The following PDXDC1 variants were observed in gnomAD, a reference collection of about 807,000 sequenced individuals.
PDXDC1 encodes the protein pyridoxal dependent decarboxylase domain containing 1, also known as pyridoxal-dependent decarboxylase domain-containing protein 1.
Under a neutral mutation model 100.1 loss-of-function variants are expected in PDXDC1, and 42 were observed. The ratio of observed to expected loss-of-function variants is 0.42; its 90% CI spans 0.33 to 0.54. The LOEUF (loss-of-function observed/expected upper bound fraction) is 0.54. Among genes scored for constraint, PDXDC1 ranks in the 20% least tolerant of loss-of-function variants. PDXDC1 has a pLI of 0.10. For missense variants in PDXDC1, 636 were observed against 979.2 expected (o/e 0.65, Z 4.68); for synonymous variants, 260 against 371.7 (o/e 0.70, Z 3.46).
At chr16:14,984,491 ATATAT>A (rs1810823253) in intron 1 of PDXDC1, among the ~76,000 whole-genome samples, 7 of 93,750 alleles carry the variant, frequency 7.5e-5, no homozygotes, top group Middle Eastern at 5.7e-3. Context: ...ATATATATAT[ATATAT>A]TTTTTTTTTT....
intron 16 of PDXDC1, among the ~76,000 whole-genome samples, chr16:15,087,793 A>T (rs2045966741): frequency 6.6e-6 from 1 of 152,224 alleles, no homozygotes; most frequent in Non-Finnish European, 1.5e-5. Flanking sequence ...CAAAACTATA[A>T]GGATAACATT....
intron 16 of PDXDC1, among the ~76,000 whole-genome samples, chr16:15,075,056 CCTGGCCAACATGGTAAAACT>C (rs1390152304): frequency 6.6e-6 from 1 of 151,966 alleles, no homozygotes; most frequent in East Asian, 1.9e-4. Flanking sequence ...TTGAGACCAG[CCTGGCCAACATGGTAAAACT>C]CTGTCTCTAC....
At chr16:15,007,822 G>C (rs2040913581) in intron 6 of PDXDC1, among the ~76,000 whole-genome samples, 2 of 152,298 alleles carry the variant, frequency 1.3e-5, no homozygotes, top group Non-Finnish European at 2.9e-5. Flanking sequence ...GGGGACAACA[G>C]TCTAACCTTC....
intron 16 of PDXDC1, chr16:15,127,729 G>C (rs1215992616): frequency 2.0e-6 from 3 of 1,523,012 alleles, no homozygotes; most frequent in Non-Finnish European, 2.7e-6. Flanking sequence ...CACGGCGTTG[G>C]CGCCCAGGAA....
intron 16 of PDXDC1, among the ~76,000 whole-genome samples, chr16:15,065,976 T>C (rs1452573396): frequency 6.6e-6 from 1 of 152,252 alleles, no homozygotes; most frequent in Non-Finnish European, 1.5e-5. Flanking sequence ...AAGACAATTA[T>C]GTTTTTAATT....
chr16:15,085,704 G>C (rs1382781749), intron 16 of PDXDC1: 1 of 1,612,720 alleles, frequency 6.2e-7, no homozygotes, highest in East Asian at 2.2e-5. Flanking sequence ...TCGGGCTTTT[G>C]AGGGAAAAAG....
intron 1 of PDXDC1, among the ~76,000 whole-genome samples, chr16:14,988,020 G>T (rs1969809053): frequency 1.4e-5 from 2 of 144,302 alleles, no homozygotes; most frequent in Non-Finnish European, 3.0e-5. Flanking sequence ...TTGCCATACA[G>T]GTTCATTTTA....
chr16:15,044,365 C>T, intron 16 of PDXDC1: 1 of 1,613,428 alleles, frequency 6.2e-7, no homozygotes, highest in Non-Finnish European at 8.5e-7. Context: ...TTTGTGACAA[C>T]TGCCTGTCGT....
chr16:15,130,292 C>T lies in PDXDC1; in HGVS notation c.1400-8587C>T, dbSNP rs781654269. 2,336 of 1,533,868 alleles carry T rather than the reference C, an allele frequency of 1.5e-3. 3 individuals carry two copies. The highest frequency in any genetic ancestry group is 1.9e-3 in the Non-Finnish European group (2,114 of 1,134,402). On this transcript the variant is annotated intron_variant, in intron 16 of 16. Coordinates refer to the PDXDC1 transcript ENST00000535621. ...GGGTGAGGCAGACGGCCTGGCGGGG[C>T]GAGGTCTCCTCCAGGGGCAGCAGCC...
intron 1 of PDXDC1, among the ~76,000 whole-genome samples, chr16:14,981,189 T>C (rs1376412646): frequency 2.0e-5 from 3 of 152,306 alleles, no homozygotes; most frequent in Admixed American, 1.3e-4. Context: ...TAATTGTAAA[T>C]ATAATGCAAA....
chr16:15,131,668 G>C (rs2048067641), intron 16 of PDXDC1: 69 of 1,575,184 alleles, frequency 4.4e-5, no homozygotes, highest in Non-Finnish European at 5.9e-5. Context: ...TGAGCGCTGT[G>C]GTGCCCGCAC....
chr16:15,038,505 C>T (rs2043649398), downstream of PDXDC1: 1 of 926,562 alleles, frequency 1.1e-6, no homozygotes, highest in Non-Finnish European at 1.7e-6. Context: ...GGTCTAAACC[C>T]TTTTTTTCTT....
chr16:15,131,131 G>T, intron 16 of PDXDC1: 1 of 1,604,020 alleles, frequency 6.2e-7, no homozygotes, highest in Non-Finnish European at 8.5e-7. Flanking sequence ...CACGGCCGCA[G>T]GGTTGCTGCT....
chr16:15,024,663 A>G (rs2042452850), intron 13 of PDXDC1, among the ~76,000 whole-genome samples: 1 of 152,274 alleles, frequency 6.6e-6, no homozygotes, highest in African/African-American at 2.4e-5. Context: ...CACCCGCCTC[A>G]GCCTCCCAAA....
At chr16:15,142,267 A>T (rs992534147), downstream of PDXDC1, among the ~76,000 whole-genome samples, 3 of 152,090 alleles carry the variant, frequency 2.0e-5, no homozygotes, top group African/African-American at 7.2e-5. Context: ...CCCACTGTGA[A>T]CCAGGCCTGG....
chr16:15,116,599 G>A (rs1410661908), intron 16 of PDXDC1, among the ~76,000 whole-genome samples: 2 of 101,412 alleles, frequency 2.0e-5, no homozygotes, highest in East Asian at 3.5e-4. Context: ...GAGTGAAGAC[G>A]AAGACTTCCC....
At position 15,133,501 on chromosome 16, in the gene PDXDC1, G is replaced by A. The variant is rs1434922577; in HGVS notation, c.1400-5378G>A. Reference sequence around the variant, plus strand: ...ACGGCCTGGCTCACCTGTTGAGGGCGACCACAGCGGCTCCCAGCTGGTCCT... The same window carrying A: ...ACGGCCTGGCTCACCTGTTGAGGGCAACCACAGCGGCTCCCAGCTGGTCCT... On this transcript the variant is annotated intron_variant, in intron 16 of 16. Coordinates refer to the PDXDC1 transcript ENST00000535621. 3.5e-5 allele frequency: 30 copies of A among 864,142 alleles called. 1 individual carries two copies. The highest frequency in any genetic ancestry group is 2.4e-4 in the African/African-American group (14 of 59,394). The allele number at this position is 864,142 out of a possible 1,614,324, so 53.5% of individuals were successfully genotyped here. A position where few individuals can be genotyped will look rare whatever the true frequency, so the allele number is the denominator to read the frequency against.
In PDXDC1 at chr16:15,106,572, A is replaced by G. The variant is rs554420673; in HGVS notation, c.1400-32307A>G. 7.4e-4 allele frequency among the ~76,000 whole-genome samples: 111 copies of G among 150,174 alleles called. 5 individuals carry two copies. The highest frequency in any genetic ancestry group is 6.8e-3 in the Middle Eastern group (2 of 294). ...AGATTGAGACCATCCTGGCTAATAC[A>G]GTGAAACCCTGTCTCTACTAAAAAT... On this transcript the variant is annotated intron_variant, in intron 16 of 16. Coordinates refer to the PDXDC1 transcript ENST00000535621.
chr16:15,083,032 C>A (rs187160775), intron 16 of PDXDC1, among the ~76,000 whole-genome samples: 3 of 152,308 alleles, frequency 2.0e-5, no homozygotes, highest in Non-Finnish European at 4.4e-5. Flanking sequence ...TCCCCAATAG[C>A]CGCTTTATAA....
Sources: gnomAD v4.1 joint callset for allele counts (sites outside exome capture counted in the v4.1 genomes callset) on GRCh38, gnomAD v4.1.1 for gene constraint, MANE v1.5 for transcripts, NCBI Gene and HGNC (gene_info 2026-07-23, HGNC 2026-07-21) for gene names.